CADM2: variants seen among roughly 807,000 people sequenced by gnomAD.
The protein encoded by CADM2 is cell adhesion molecule 2.
Under a neutral mutation model 49.8 loss-of-function variants are expected in CADM2, and 12 were observed. That is an observed-to-expected ratio of 0.24 (90% CI 0.15 to 0.39). CADM2 has a LOEUF of 0.39. Among genes scored for constraint, CADM2 ranks in the 10% least tolerant of loss-of-function variants. The probability of loss-of-function intolerance (pLI) is 1.00; values close to 1 mark genes in which losing one functional copy is unlikely to be tolerated. For synonymous variants in CADM2, 214 were observed against 175.4 expected, an observed-to-expected ratio of 1.22 and a Z score of -1.74; for missense variants, 378 against 492.3, an observed-to-expected ratio of 0.77 and a Z score of 2.20.
At chr3:85,098,601 C>G (rs1053790904) in intron 1 of CADM2, among the ~76,000 whole-genome samples, 1 of 152,060 alleles carries the variant, frequency 6.6e-6, no homozygotes, top group Non-Finnish European at 1.5e-5. Context: ...TATAAAAATT[C>G]TGATATGAAG....
chr3:85,292,320 A>G (rs2043822733), intron 1 of CADM2, among the ~76,000 whole-genome samples: 2 of 150,720 alleles, frequency 1.3e-5, no homozygotes, highest in African/African-American at 5.0e-5. Context: ...AGAGACTTAG[A>G]CTCCCACACA....
At chr3:85,585,442 C>T (rs1303903055) in intron 1 of CADM2, among the ~76,000 whole-genome samples, 1 of 151,408 alleles carries the variant, frequency 6.6e-6, no homozygotes, top group Non-Finnish European at 1.5e-5. Flanking sequence ...TTTATAAGAT[C>T]TATGGTAAGA....
At chr3:85,240,909 G>T (rs2042517102) in intron 1 of CADM2, among the ~76,000 whole-genome samples, 1 of 151,326 alleles carries the variant, frequency 6.6e-6, no homozygotes. Context: ...TTTGATACAG[G>T]CATACAATGC....
At chr3:85,687,689 C>T (rs1234734020) in intron 1 of CADM2, among the ~76,000 whole-genome samples, 3 of 152,184 alleles carry the variant, frequency 2.0e-5, no homozygotes, top group South Asian at 4.1e-4. Flanking sequence ...GTCAGTGTGT[C>T]GATATGCAAA....
chr3:85,687,816 A>G (rs1365309341), intron 1 of CADM2, among the ~76,000 whole-genome samples: 2 of 152,210 alleles, frequency 1.3e-5, no homozygotes, highest in African/African-American at 2.4e-5. Flanking sequence ...GCCATGGACC[A>G]GTACTATGAC....
At chr3:85,631,760 GT>G (rs900243748) in intron 1 of CADM2, among the ~76,000 whole-genome samples, 1 of 151,860 alleles carries the variant, frequency 6.6e-6, no homozygotes, top group Admixed American at 6.6e-5. Flanking sequence ...TACCAATATT[GT>G]TTTTTAAAAG....
At chr3:86,049,755 C>A (rs1737127859) in intron 8 of CADM2, among the ~76,000 whole-genome samples, 1 of 152,096 alleles carries the variant, frequency 6.6e-6, no homozygotes, top group Non-Finnish European at 1.5e-5. Flanking sequence ...ACAACCAGAT[C>A]TCATGAGAAC....
chr3:85,160,489 T>C (rs1375386020), intron 1 of CADM2, among the ~76,000 whole-genome samples: 1 of 152,154 alleles, frequency 6.6e-6, no homozygotes, highest in Admixed American at 6.6e-5. Context: ...CATTCACATC[T>C]ACAGTAGGGT....
chr3:86,003,518 T>A (rs1445408817), intron 8 of CADM2, among the ~76,000 whole-genome samples: 1 of 152,214 alleles, frequency 6.6e-6, no homozygotes, highest in Admixed American at 6.5e-5. Context: ...TTGCTGTGAC[T>A]ACAATAATAT....
intron 1 of CADM2, among the ~76,000 whole-genome samples, chr3:85,049,047 G>T (rs920764983): frequency 3.9e-5 from 6 of 152,048 alleles, no homozygotes; most frequent in Non-Finnish European, 8.8e-5. Context: ...TGAAGTAGGG[G>T]ATTAAAAAAG....
At chr3:85,027,788 A>G (rs1020267012) in intron 1 of CADM2, among the ~76,000 whole-genome samples, 2 of 152,194 alleles carry the variant, frequency 1.3e-5, no homozygotes, top group Non-Finnish European at 2.9e-5. Context: ...TATAATAACA[A>G]TGAACTTGCT....
chr3:85,968,687 A>G (rs1169293667), intron 8 of CADM2, among the ~76,000 whole-genome samples: 3 of 151,650 alleles, frequency 2.0e-5, no homozygotes, highest in Non-Finnish European at 4.4e-5. Context: ...CGGTCCTTCT[A>G]TATTTGTTTA....
intron 1 of CADM2, among the ~76,000 whole-genome samples, chr3:85,037,826 T>C (rs2035281566): frequency 6.6e-6 from 1 of 152,204 alleles, no homozygotes; most frequent in Non-Finnish European, 1.5e-5. Context: ...TATTATATCC[T>C]CTTTCTTTTT....
At chr3:85,342,804 C>T (rs960940936) in intron 1 of CADM2, among the ~76,000 whole-genome samples, 1 of 152,038 alleles carries the variant, frequency 6.6e-6, no homozygotes, top group Non-Finnish European at 1.5e-5. Flanking sequence ...GGAGTATTGT[C>T]ATGAAGATTT....
chr3:85,848,055 T>A (rs1210169737), intron 3 of CADM2, among the ~76,000 whole-genome samples: 1 of 152,128 alleles, frequency 6.6e-6, no homozygotes, highest in African/African-American at 2.4e-5. Flanking sequence ...CTTTTTATAC[T>A]CATAATTTTT....
At chr3:85,527,816 C>T (rs906019695) in intron 1 of CADM2, among the ~76,000 whole-genome samples, 3 of 152,158 alleles carry the variant, frequency 2.0e-5, no homozygotes, top group Admixed American at 2.0e-4. Flanking sequence ...TTTTAAAATG[C>T]TTTGCATTAA....
Position 85,912,444 on chromosome 3 carries a change from G to A in CADM2, c.601G>A (p.Val201Met), listed in dbSNP as rs1429763932. Residue 201 changes from valine to methionine, a missense_variant, in exon 6 of 10, where the codon GTG (valine) becomes ATG (methionine). Coordinates refer to ENST00000383699, the MANE Select transcript of CADM2 (RefSeq NM_001167675.2). ...TGTCAGCAGCACACTGGACTTCCGA[G>A]TGGACCGGAGTGATGATGGAGTGGC... ...FTVSSTLDFR[V>M]DRSDDGVAVI... 1 of 1,614,122 alleles carries A rather than the reference G, an allele frequency of 6.2e-7. No homozygotes were observed. Among genetic ancestry groups the A allele is most frequent in the Non-Finnish European group, 8.5e-7 (1 of 1,179,980 alleles).
chr3:85,755,065 C>T (rs2069048060), intron 2 of CADM2, among the ~76,000 whole-genome samples: 3 of 152,086 alleles, frequency 2.0e-5, no homozygotes, highest in Admixed American at 2.0e-4. Flanking sequence ...ACTGGACGTC[C>T]TACAATTTAA....
chr3:84,982,891 G>A (rs866018974), intron 1 of CADM2, among the ~76,000 whole-genome samples: 11 of 150,550 alleles, frequency 7.3e-5, no homozygotes, highest in South Asian at 2.1e-4. Context: ...GACTACAGGC[G>A]TCCGCCACCA....
Sources: gnomAD v4.1 joint callset for allele counts (sites outside exome capture counted in the v4.1 genomes callset) on GRCh38, gnomAD v4.1.1 for gene constraint, MANE v1.5 for transcripts, NCBI Gene and HGNC (gene_info 2026-07-23, HGNC 2026-07-21) for gene names.